NR3C2: variants seen among roughly 807,000 people sequenced by gnomAD.
NR3C2 encodes the protein nuclear receptor subfamily 3 group C member 2, also known as mineralocorticoid receptor.
Under a neutral mutation model 86.4 loss-of-function variants are expected in NR3C2, and 15 were observed. That is an observed-to-expected ratio of 0.17 (90% CI 0.12 to 0.27). The LOEUF (loss-of-function observed/expected upper bound fraction) is 0.27. Among genes scored for constraint, NR3C2 ranks in the 10% least tolerant of loss-of-function variants. The probability of loss-of-function intolerance (pLI) is 1.00; values close to 1 mark genes in which losing one functional copy is unlikely to be tolerated. For synonymous variants in NR3C2, 458 were observed against 450.5 expected, an observed-to-expected ratio of 1.02 and a Z score of -0.21; for missense variants, 960 against 1,195.6, an observed-to-expected ratio of 0.80 and a Z score of 2.91.
chr4:148,372,685 T>C (rs1259660336), intron 2 of NR3C2, among the ~76,000 whole-genome samples: 1 of 152,214 alleles, frequency 6.6e-6, no homozygotes, highest in Non-Finnish European at 1.5e-5. Flanking sequence ...ATAACTTCTT[T>C]ATTCTTCAAA....
intron 4 of NR3C2, among the ~76,000 whole-genome samples, chr4:148,185,720 A>G (rs907830150): frequency 3.9e-5 from 6 of 152,170 alleles, no homozygotes; most frequent in Non-Finnish European, 7.3e-5. Context: ...CTAAAATAGC[A>G]TATTTTGTAT....
intron 4 of NR3C2, among the ~76,000 whole-genome samples, chr4:148,170,437 T>TA (rs35135883): frequency 2.0e-5 from 3 of 151,804 alleles, no homozygotes; most frequent in Non-Finnish European, 2.9e-5. Flanking sequence ...CTCAGCATAA[T>TA]AAAAAAATTC....
At chr4:148,105,418 C>A (rs747904698) in intron 8 of NR3C2, among the ~76,000 whole-genome samples, 5 of 152,144 alleles carry the variant, frequency 3.3e-5, no homozygotes, top group African/African-American at 9.7e-5. Flanking sequence ...CAGGACTAGA[C>A]GGATTCACAG....
chr4:148,127,501 C>T (rs1481110185), intron 6 of NR3C2, among the ~76,000 whole-genome samples: 2 of 152,118 alleles, frequency 1.3e-5, no homozygotes, highest in Non-Finnish European at 2.9e-5. Context: ...CCAAAAGTCA[C>T]CCTTGAACAG....
chr4:148,324,215 A>G (rs1743822185), intron 2 of NR3C2, among the ~76,000 whole-genome samples: 1 of 152,216 alleles, frequency 6.6e-6, no homozygotes, highest in African/African-American at 2.4e-5. Flanking sequence ...ATAAGGTCGC[A>G]CGGTATTTGT....
At chr4:148,166,344 C>T (rs1041566650) in intron 4 of NR3C2, among the ~76,000 whole-genome samples, 4 of 152,210 alleles carry the variant, frequency 2.6e-5, no homozygotes, top group Non-Finnish European at 4.4e-5. Context: ...AGGGCACTGC[C>T]GAGGACCTGG....
chr4:148,222,769 T>G, intron 3 of NR3C2, among the ~76,000 whole-genome samples: 1 of 152,204 alleles, frequency 6.6e-6, no homozygotes, highest in South Asian at 2.1e-4. Flanking sequence ...GGTAAAAGTT[T>G]GCTATTTATT....
chr4:148,125,910 A>G (rs932639577), intron 6 of NR3C2, among the ~76,000 whole-genome samples: 4 of 152,388 alleles, frequency 2.6e-5, no homozygotes, highest in Non-Finnish European at 5.9e-5. Flanking sequence ...TGGCCACAAA[A>G]TTAGATATTG....
At chr4:148,167,790 A>G (rs1454233316) in intron 4 of NR3C2, among the ~76,000 whole-genome samples, 1 of 152,248 alleles carries the variant, frequency 6.6e-6, no homozygotes, top group Non-Finnish European at 1.5e-5. Flanking sequence ...GCGAAATGGA[A>G]AGAGAGGATG....
chr4:148,136,065 A>C (rs1424415858), intron 6 of NR3C2, among the ~76,000 whole-genome samples: 1,553 of 96,800 alleles, frequency 0.016, 72 homozygotes, highest in African/African-American at 0.049. Flanking sequence ...TCAAAAAAAA[A>C]AAAAAAAAAA....
chr4:148,272,156 G>A (rs953978688), intron 2 of NR3C2, among the ~76,000 whole-genome samples: 1 of 152,088 alleles, frequency 6.6e-6, no homozygotes, highest in Non-Finnish European at 1.5e-5. Context: ...TCTAGTATGA[G>A]GGAATAGCAA....
intron 6 of NR3C2, among the ~76,000 whole-genome samples, chr4:148,131,551 T>A: frequency 6.6e-6 from 1 of 152,332 alleles, no homozygotes; most frequent in Non-Finnish European, 1.5e-5. Context: ...ACAAACAAGA[T>A]GTATCTGTAG....
intron 2 of NR3C2, among the ~76,000 whole-genome samples, chr4:148,348,741 G>T (rs969185492): frequency 2.0e-5 from 3 of 152,078 alleles, no homozygotes; most frequent in Admixed American, 6.6e-5. Context: ...ACTTGTAAGG[G>T]TTTTAATATC....
intron 8 of NR3C2, among the ~76,000 whole-genome samples, chr4:148,095,717 G>A (rs1045560185): frequency 2.0e-5 from 3 of 152,208 alleles, no homozygotes; most frequent in East Asian, 1.9e-4. Context: ...CCCAGGGCTG[G>A]TTCCAGAGTC....
chr4:148,400,710 G>A (rs535963154), intron 2 of NR3C2, among the ~76,000 whole-genome samples: 9 of 150,964 alleles, frequency 6.0e-5, no homozygotes, highest in African/African-American at 1.5e-4. Context: ...CCTGGGAGGC[G>A]GAGGTTGTGG....
intron 2 of NR3C2, among the ~76,000 whole-genome samples, chr4:148,395,570 C>T (rs1747818330): frequency 6.6e-6 from 1 of 152,150 alleles, no homozygotes; most frequent in Non-Finnish European, 1.5e-5. Context: ...GCAGATAATA[C>T]CAAATGTGTG....
At chr4:148,238,224 T>A (rs981243226) in intron 3 of NR3C2, among the ~76,000 whole-genome samples, 1 of 152,190 alleles carries the variant, frequency 6.6e-6, no homozygotes, top group Non-Finnish European at 1.5e-5. Context: ...ATGGTATTTG[T>A]TTCCCAAAGC....
intron 4 of NR3C2, among the ~76,000 whole-genome samples, chr4:148,188,617 T>C (rs1331397330): frequency 6.6e-6 from 1 of 152,154 alleles, no homozygotes; most frequent in Admixed American, 6.5e-5. Context: ...TTTTATCAGT[T>C]CTAGGAGGTT....
intron 2 of NR3C2, among the ~76,000 whole-genome samples, chr4:148,305,381 T>C (rs1742563106): frequency 6.6e-6 from 1 of 152,090 alleles, no homozygotes. Context: ...AGGGTGCCAC[T>C]TTTCCCAAGA....
Sources: allele counts gnomAD v4.1 joint callset (sites outside exome capture counted in the v4.1 genomes callset), GRCh38; gene constraint gnomAD v4.1.1; transcripts MANE v1.5; gene names NCBI Gene and HGNC (gene_info 2026-07-23, HGNC 2026-07-21).